TNS3: variants seen among roughly 807,000 people sequenced by gnomAD.
The protein encoded by TNS3 is tensin 3, also known as tensin-3.
TNS3 carries 45 observed loss-of-function variants against 140.9 expected under a neutral mutation model. That is an observed-to-expected ratio of 0.32 (90% CI 0.25 to 0.41). TNS3 has a LOEUF of 0.41. Ranked by LOEUF, TNS3 falls within the 10% of genes least tolerant of loss-of-function variation. The probability of loss-of-function intolerance (pLI) is 1.00; values close to 1 mark genes in which losing one functional copy is unlikely to be tolerated. For missense variants in TNS3, 1,716 were observed against 1,906.7 expected, an observed-to-expected ratio of 0.90 and a Z score of 1.86; for synonymous variants, 815 against 788.4, an observed-to-expected ratio of 1.03 and a Z score of -0.56.
chr7:47,428,825 G>T (rs931253068), intron 8 of TNS3, among the ~76,000 whole-genome samples: 5 of 152,206 alleles, frequency 3.3e-5, no homozygotes, highest in African/African-American at 1.2e-4. Context: ...CTTACTGGCA[G>T]CACTGCCGGC....
At chr7:47,361,223 A>AAAAAG in intron 17 of TNS3, among the ~76,000 whole-genome samples, 1 of 149,380 alleles carries the variant, frequency 6.7e-6, no homozygotes, top group African/African-American at 2.5e-5. Context: ...AAAAAAAAAA[A>AAAAAG]ACAAGCAAGG....
intron 3 of TNS3, among the ~76,000 whole-genome samples, chr7:47,502,685 C>A (rs3111215): frequency 1.3e-5 from 2 of 152,200 alleles, no homozygotes; most frequent in Admixed American, 6.5e-5. Flanking sequence ...CTCAAGCAGC[C>A]AGCTGGAGAG....
chr7:47,519,230 T>C (rs334532), intron 2 of TNS3, among the ~76,000 whole-genome samples: 148,793 of 150,002 alleles, frequency 0.99, 73,812 homozygotes, highest in East Asian at 1. Flanking sequence ...ACCTTGTTGT[T>C]AACCTGCCCC....
At chr7:47,397,003 A>C (rs1792875111) in intron 15 of TNS3, 99 bp from the exon 16 acceptor site, 2 of 811,488 alleles carry the variant, frequency 2.5e-6, no homozygotes, top group Non-Finnish European at 4.2e-6. Flanking sequence ...TGACTTGAGC[A>C]GGAGAGAGAA....
At chr7:47,479,399 A>G (rs753775476) in intron 4 of TNS3, among the ~76,000 whole-genome samples, 36 of 152,160 alleles carry the variant, frequency 2.4e-4, no homozygotes, top group Non-Finnish European at 5.1e-4. Flanking sequence ...GGCCTATGAC[A>G]AGCCTGAGGA....
At chr7:47,318,635 A>G (rs1787549220) in intron 20 of TNS3, among the ~76,000 whole-genome samples, 1 of 152,182 alleles carries the variant, frequency 6.6e-6, no homozygotes, top group South Asian at 2.1e-4. Flanking sequence ...AACAAAAACA[A>G]AAACCCACAA....
chr7:47,348,269 A>G (rs1402416795), intron 17 of TNS3, among the ~76,000 whole-genome samples: 4 of 152,240 alleles, frequency 2.6e-5, no homozygotes, highest in African/African-American at 7.2e-5. Context: ...TCATGGCCAC[A>G]GACAAGTGAC....
At chr7:47,317,614 A>G (rs1161507198) in intron 20 of TNS3, among the ~76,000 whole-genome samples, 1 of 152,240 alleles carries the variant, frequency 6.6e-6, no homozygotes, top group East Asian at 1.9e-4. Context: ...ATAGTCCCTT[A>G]GCAACCTACA....
chr7:47,577,884 G>A (rs1343067181), intron 1 of TNS3, among the ~76,000 whole-genome samples: 1 of 152,106 alleles, frequency 6.6e-6, no homozygotes, highest in Admixed American at 6.6e-5. Context: ...GCTCTGAGGA[G>A]CACTTCCCTA....
intron 16 of TNS3, among the ~76,000 whole-genome samples, chr7:47,385,783 G>A (rs956341448): frequency 2.0e-5 from 3 of 152,074 alleles, no homozygotes; most frequent in Admixed American, 6.5e-5. Context: ...CTCCCCCGCC[G>A]CTTTTCCTTC....
chr7:47,400,592 AG>A, intron 14 of TNS3, 134 bp from the exon 15 acceptor site: 1 of 1,239,616 alleles, frequency 8.1e-7, no homozygotes. Context: ...TGATACAGAA[AG>A]TATAGGCAGT....
chr7:47,423,996 A>G (rs2151475339), intron 10 of TNS3, 105 bp downstream of exon 10: 2 of 1,126,582 alleles, frequency 1.8e-6, no homozygotes, highest in South Asian at 2.7e-5. Flanking sequence ...CAAGAATACT[A>G]TTCATTTAGG....
intron 4 of TNS3, among the ~76,000 whole-genome samples, chr7:47,452,406 G>C (rs182213245): frequency 6.6e-6 from 1 of 152,198 alleles, no homozygotes; most frequent in Non-Finnish European, 1.5e-5. Context: ...AGCAGCAATC[G>C]TTAAGAACTG....
At chr7:47,484,944 A>C (rs2151803708) in intron 3 of TNS3, among the ~76,000 whole-genome samples, 1 of 152,284 alleles carries the variant, frequency 6.6e-6, no homozygotes, top group East Asian at 1.9e-4. Context: ...TATGTTCTTA[A>C]CATGCCAGTC....
Position 47,278,032 on chromosome 7 carries a change from G to A in TNS3, c.*44C>T. ...CACCCTCACCCAACGGCTGTCTCCA[G>A]GGCTTCGAGAGGCATCGGTGGGTCC... On this transcript the variant is annotated 3_prime_UTR_variant, in exon 31 of 31. Coordinates refer to ENST00000311160, the MANE Select transcript of TNS3 (RefSeq NM_022748.12). The A allele has an allele frequency of 1.9e-6, 3 of 1,613,560 alleles. No individual in the cohort carries two copies. Among genetic ancestry groups the A allele is most frequent in the Non-Finnish European group, 2.5e-6 (3 of 1,179,698 alleles).
At chr7:47,486,384 G>A (rs1386093748) in intron 3 of TNS3, among the ~76,000 whole-genome samples, 3 of 152,070 alleles carry the variant, frequency 2.0e-5, no homozygotes, top group East Asian at 3.8e-4. Context: ...GTGTGTCTCC[G>A]TGTGTGAGTG....
chr7:47,370,065 G>A (rs977216045), intron 16 of TNS3, among the ~76,000 whole-genome samples: 14 of 152,292 alleles, frequency 9.2e-5, no homozygotes, highest in African/African-American at 3.4e-4. Flanking sequence ...TAGGTGCTGG[G>A]TAGCAAACTC....
intron 6 of TNS3, 44 bp from the exon 7 acceptor site, chr7:47,437,357 A>C (rs1248846490): frequency 2.1e-6 from 2 of 974,406 alleles, no homozygotes; most frequent in Non-Finnish European, 2.8e-6. Flanking sequence ...ATAGATTTTA[A>C]TATTTTAAAA....
At chr7:47,430,435 A>T in intron 8 of TNS3, among the ~76,000 whole-genome samples, 1 of 151,798 alleles carries the variant, frequency 6.6e-6, no homozygotes, top group East Asian at 2.0e-4. Context: ...CGGCCTATAA[A>T]GCAAATATTA....
Sources: allele counts gnomAD v4.1 joint callset (sites outside exome capture counted in the v4.1 genomes callset), GRCh38; gene constraint gnomAD v4.1.1; transcripts MANE v1.5; gene names NCBI Gene and HGNC (gene_info 2026-07-23, HGNC 2026-07-21).